PARVB: variants seen among roughly 807,000 people sequenced by gnomAD.
PARVB encodes parvin beta.
PARVB carries 46 observed loss-of-function variants against 47.0 expected under a neutral mutation model. The observed-to-expected ratio is 0.98, with a 90% CI of 0.77 to 1.25. The LOEUF (loss-of-function observed/expected upper bound fraction) is 1.25. PARVB is among the 50% of genes most tolerant of loss of function. The probability of loss-of-function intolerance (pLI) is 0.00; values close to 1 mark genes in which losing one functional copy is unlikely to be tolerated. For synonymous variants in PARVB, 196 were observed against 196.3 expected (o/e 1.00, Z 0.01); for missense variants, 473 against 471.6 (o/e 1.00, Z -0.03).
intron 1 of PARVB, among the ~76,000 whole-genome samples, chr22:44,086,051 G>A (rs1017472352): frequency 1.3e-5 from 2 of 152,212 alleles, no homozygotes; most frequent in African/African-American, 4.8e-5. Flanking sequence ...TAAATCAGAT[G>A]TTCAAGCTGA....
chr22:44,016,030 C>T (rs9614313), intron 2 of PARVB, among the ~76,000 whole-genome samples: 77,633 of 151,402 alleles, frequency 0.51, 21,740 homozygotes, highest in East Asian at 0.79. Flanking sequence ...GAACCAACAA[C>T]GCATTTTTTT....
At chr22:44,066,705 AG>A (rs543813679) in intron 1 of PARVB, among the ~76,000 whole-genome samples, 8 of 151,900 alleles carry the variant, frequency 5.3e-5, no homozygotes, top group Non-Finnish European at 1.2e-4. Flanking sequence ...GATGATCATA[AG>A]GGTTCTTTCT....
chr22:44,015,708 A>G (rs1342544060), intron 2 of PARVB, among the ~76,000 whole-genome samples: 2 of 152,298 alleles, frequency 1.3e-5, no homozygotes, highest in Admixed American at 6.5e-5. Flanking sequence ...AGTCCCAGCT[A>G]CTTGGGAGGT....
chr22:44,170,492 T>G lies in PARVB; in HGVS notation c.*1814T>G, dbSNP rs1356481577. 6.6e-6 allele frequency: 1 copy of G among 152,200 alleles called. No individual in the cohort carries two copies. The highest frequency in any genetic ancestry group is 2.4e-5 in the African/African-American group (1 of 41,430). 9.4% of individuals were successfully genotyped at this position (152,200 alleles called of 1,614,324 possible). Reference sequence around the variant, plus strand: ...CCTTGTACCGGGAGGATATGAAGTGTTCATGTTACTCTCCCTGTAGCCCTG... The same window carrying G: ...CCTTGTACCGGGAGGATATGAAGTGGTCATGTTACTCTCCCTGTAGCCCTG... On this transcript the variant is annotated 3_prime_UTR_variant, in exon 13 of 13. Coordinates refer to ENST00000338758, the MANE Select transcript of PARVB (RefSeq NM_013327.5).
chr22:44,024,386 A>T lies in PARVB; in HGVS notation c.47A>T (p.Lys16Met). ...RSPTPRPRRM[K>M]KDESFLGKLG... is the part of the protein sequence containing the mutation. ...CCCACCCCGCGGCCCCGCAGGATGA[A>T]GAAGGACGAGTCGTTCCTGGGCAAG... Residue 16 changes from lysine (K) to methionine (M), a missense_variant, in exon 1 of 13, where the codon AAG becomes ATG. Physicochemically the swap from Lys to Met is moderately conservative, Grantham distance 95. Coordinates refer to ENST00000338758, the MANE Select transcript of PARVB (RefSeq NM_013327.5). 1 of 1,244,560 alleles carries T rather than the reference A, an allele frequency of 8.0e-7. No homozygotes were observed. The highest frequency in any genetic ancestry group is 1.0e-6 in the Non-Finnish European group (1 of 978,980). The allele number at this position is 1,244,560 out of a possible 1,614,324, so 77.1% of individuals were successfully genotyped here.
intron 1 of PARVB, among the ~76,000 whole-genome samples, chr22:44,054,627 T>A (rs1168061471): frequency 6.6e-6 from 1 of 151,364 alleles, no homozygotes; most frequent in Non-Finnish European, 1.5e-5. Context: ...AAGAAAAGAG[T>A]TTGGCGGATA....
upstream of PARVB, among the ~76,000 whole-genome samples, chr22:44,021,134 G>T (rs751548039): frequency 6.6e-6 from 1 of 152,182 alleles, no homozygotes; most frequent in African/African-American, 2.4e-5. Flanking sequence ...ATTGAAGCTG[G>T]ACAACCATGT....
At chr22:44,161,242 C>T (rs896720417) in intron 11 of PARVB, among the ~76,000 whole-genome samples, 2 of 150,368 alleles carry the variant, frequency 1.3e-5, no homozygotes, top group Non-Finnish European at 2.9e-5. Context: ...TGGAGGAGAA[C>T]GGGCACAGAT....
At chr22:44,048,461 T>G (rs1451077391) in intron 1 of PARVB, among the ~76,000 whole-genome samples, 1 of 152,172 alleles carries the variant, frequency 6.6e-6, no homozygotes, top group Middle Eastern at 3.2e-3. Flanking sequence ...AACCTCCACC[T>G]CCTGGGTTCC....
intron 11 of PARVB, among the ~76,000 whole-genome samples, chr22:44,159,832 A>T (rs139074): frequency 0.38 from 58,048 of 151,892 alleles, 11,337 homozygotes; most frequent in South Asian, 0.5. Flanking sequence ...TGGGATGTTG[A>T]TGGCATCCCT....
chr22:44,160,150 G>C (rs186377217), intron 11 of PARVB, among the ~76,000 whole-genome samples: 241 of 152,308 alleles, frequency 1.6e-3, no homozygotes, highest in African/African-American at 5.5e-3. Context: ...ACCCTGCACT[G>C]GCCACGTGCT....
chr22:44,058,549 A>ATTT lies in PARVB; in HGVS notation c.112+34119_112+34121dup, dbSNP rs35947294. Among the ~76,000 whole-genome samples, 331 of 96,026 alleles carry ATTT rather than the reference A, an allele frequency of 3.4e-3. 8 individuals are homozygous for ATTT. Among genetic ancestry groups the ATTT allele is most frequent in the Non-Finnish European group, 4.2e-3 (211 of 50,550 alleles). 63.0% of individuals were successfully genotyped at this position (96,026 alleles called of 152,430 possible). Reference sequence around the variant, plus strand: ...GTTGTCCAATTCCAGGTGGACGTGGATTTTTTTTTTTTTTTTTTTTTTTGA... The same window carrying ATTT: ...GTTGTCCAATTCCAGGTGGACGTGGATTTTTTTTTTTTTTTTTTTTTTTTTTGA... On this transcript the variant is annotated intron_variant, in intron 1 of 12. Transcript: ENST00000338758.
intron 6 of PARVB, among the ~76,000 whole-genome samples, chr22:44,135,264 CT>C (rs1349549078): frequency 0.023 from 3,437 of 146,818 alleles, 114 homozygotes; most frequent in African/African-American, 0.074. Flanking sequence ...ACCATCATTA[CT>C]TTTTTTTTTT....
intron 12 of PARVB, among the ~76,000 whole-genome samples, chr22:44,166,946 G>A (rs1005457646): frequency 1.3e-5 from 2 of 152,172 alleles, no homozygotes; most frequent in Non-Finnish European, 2.9e-5. Flanking sequence ...ACTTACCCGG[G>A]TACCCAGGGC....
intron 2 of PARVB, among the ~76,000 whole-genome samples, chr22:44,014,723 C>T (rs1044056795): frequency 1.3e-5 from 2 of 152,128 alleles, no homozygotes; most frequent in African/African-American, 2.4e-5. Context: ...AAAGTTTTTC[C>T]GGTTTGATCA....
chr22:44,135,276 T>G (rs1473206858), intron 6 of PARVB, among the ~76,000 whole-genome samples: 2 of 151,680 alleles, frequency 1.3e-5, no homozygotes, highest in Non-Finnish European at 2.9e-5. Context: ...TTTTTTTTTT[T>G]GAGATGGAGT....
At chr22:44,110,414 G>A (rs2052670056) in intron 3 of PARVB, 1 of 152,060 alleles carries the variant, frequency 6.6e-6, no homozygotes. Context: ...ACTTATCTTG[G>A]ACACCCCTTT....
intron 2 of PARVB, among the ~76,000 whole-genome samples, chr22:44,095,244 C>T (rs930292071): frequency 1.8e-4 from 28 of 152,100 alleles, no homozygotes; most frequent in Non-Finnish European, 3.4e-4. Context: ...CACGGTGGCT[C>T]ACACCTGTAA....
chr22:44,007,077 C>T (rs1350978729), intron 2 of PARVB, among the ~76,000 whole-genome samples: 1 of 152,234 alleles, frequency 6.6e-6, no homozygotes, highest in African/African-American at 2.4e-5. Context: ...GGTTACCATC[C>T]ACCTACTGTC....
Sources: allele counts gnomAD v4.1 joint callset (sites outside exome capture counted in the v4.1 genomes callset), GRCh38; gene constraint gnomAD v4.1.1; transcripts MANE v1.5; gene names NCBI Gene and HGNC (gene_info 2026-07-23, HGNC 2026-07-21).